DLG2: variants seen among roughly 807,000 people sequenced by gnomAD.
The protein encoded by DLG2 is disks large homolog 2.
In DLG2, 45 loss-of-function variants were observed where a neutral mutation model predicts 132.5. The observed-to-expected ratio is 0.34, with a 90% CI of 0.27 to 0.44. DLG2 has a LOEUF of 0.44. Among genes scored for constraint, DLG2 ranks in the 20% least tolerant of loss-of-function variants. DLG2 has a pLI of 1.00. For missense variants in DLG2, 1,045 were observed against 1,196.9 expected (o/e 0.87, Z 1.87); for synonymous variants, 424 against 419.6 (o/e 1.01, Z -0.13).
intron 3 of DLG2, among the ~76,000 whole-genome samples, chr11:85,455,326 G>A (rs949011590): frequency 2.0e-5 from 3 of 152,040 alleles, no homozygotes; most frequent in African/African-American, 7.2e-5. Context: ...TCTCCACTTA[G>A]ATGTTGTTTG....
chr11:85,048,922 A>G (rs921125371), intron 6 of DLG2, among the ~76,000 whole-genome samples: 1 of 152,088 alleles, frequency 6.6e-6, no homozygotes, highest in African/African-American at 2.4e-5. Flanking sequence ...TATATTGCCT[A>G]AAGTTCTTCC....
At chr11:83,574,732 C>T (rs554039863) in intron 19 of DLG2, among the ~76,000 whole-genome samples, 66 of 152,230 alleles carry the variant, frequency 4.3e-4, no homozygotes, top group Non-Finnish European at 8.4e-4. Context: ...CTGTTGTTTC[C>T]AAGAATGTAC....
intron 17 of DLG2, among the ~76,000 whole-genome samples, chr11:83,831,734 C>T (rs1857392676): frequency 6.6e-6 from 1 of 152,152 alleles, no homozygotes; most frequent in Non-Finnish European, 1.5e-5. Flanking sequence ...ACCATAATAT[C>T]AGCCATAAGT....
At chr11:83,686,335 CT>C (rs1802768475) in intron 18 of DLG2, among the ~76,000 whole-genome samples, 1 of 152,086 alleles carries the variant, frequency 6.6e-6, no homozygotes, top group Admixed American at 6.6e-5. Context: ...TTATCTCTCC[CT>C]CTTATTAGAC....
intron 6 of DLG2, among the ~76,000 whole-genome samples, chr11:84,801,470 C>A (rs1409984624): frequency 6.6e-6 from 1 of 152,118 alleles, no homozygotes; most frequent in African/African-American, 2.4e-5. Flanking sequence ...ACGCAGGAGG[C>A]TGAGGCAGGA....
At chr11:84,135,062 G>A (rs995667691) in intron 9 of DLG2, among the ~76,000 whole-genome samples, 1 of 151,946 alleles carries the variant, frequency 6.6e-6, no homozygotes, top group African/African-American at 2.4e-5. Context: ...TATCTATTAG[G>A]TTAGTTTACT....
At chr11:83,778,360 C>G (rs937767869) in intron 18 of DLG2, among the ~76,000 whole-genome samples, 1 of 152,070 alleles carries the variant, frequency 6.6e-6, no homozygotes, top group African/African-American at 2.4e-5. Context: ...TCCTTGTTGT[C>G]AAAATGTCTC....
chr11:83,835,077 T>A (rs1442002449), intron 16 of DLG2, among the ~76,000 whole-genome samples: 1 of 152,212 alleles, frequency 6.6e-6, no homozygotes, highest in Non-Finnish European at 1.5e-5. Flanking sequence ...AAAGTGCACC[T>A]CACAACTTGA....
intron 3 of DLG2, among the ~76,000 whole-genome samples, chr11:85,359,286 A>G (rs1008425069): frequency 6.6e-6 from 1 of 152,194 alleles, no homozygotes; most frequent in Non-Finnish European, 1.5e-5. Context: ...ATATGTCTTC[A>G]CTCTATAAAA....
intron 18 of DLG2, among the ~76,000 whole-genome samples, chr11:83,719,511 G>A (rs954524163): frequency 3.3e-5 from 5 of 152,204 alleles, no homozygotes; most frequent in African/African-American, 1.2e-4. Context: ...AGGCCTCAGT[G>A]TGCTTCCACT....
At chr11:84,728,977 CTCTTT>C (rs2062828351) in intron 6 of DLG2, among the ~76,000 whole-genome samples, 1 of 152,010 alleles carries the variant, frequency 6.6e-6, no homozygotes. Context: ...TGATTCTTCT[CTCTTT>C]TCTTCTTTAT....
At chr11:85,055,976 C>G (rs138439665) in intron 6 of DLG2, among the ~76,000 whole-genome samples, 20 of 152,240 alleles carry the variant, frequency 1.3e-4, no homozygotes, top group African/African-American at 4.8e-4. Flanking sequence ...TATCCCTGTA[C>G]TCTAGCTGCA....
At chr11:83,682,092 C>T in intron 18 of DLG2, 1 of 981,994 alleles carries the variant, frequency 1.0e-6, no homozygotes, top group Non-Finnish European at 1.2e-6. Flanking sequence ...GTGCCTATTC[C>T]AAACTATGGG....
chr11:84,539,528 C>T (rs2099363013), intron 6 of DLG2, among the ~76,000 whole-genome samples: 1 of 152,190 alleles, frequency 6.6e-6, no homozygotes, highest in South Asian at 2.1e-4. Flanking sequence ...TCTGTGCTTT[C>T]TTCTTTTTCT....
chr11:83,644,956 A>C (rs1334022456), intron 18 of DLG2, among the ~76,000 whole-genome samples: 1 of 151,970 alleles, frequency 6.6e-6, no homozygotes, highest in African/African-American at 2.4e-5. Context: ...TTTTTAAGGG[A>C]TATATTATAT....
At chr11:84,523,696 T>C (rs1405960512) in intron 7 of DLG2, among the ~76,000 whole-genome samples, 2 of 152,170 alleles carry the variant, frequency 1.3e-5, no homozygotes, top group African/African-American at 4.8e-5. Flanking sequence ...CCTCTGTGAG[T>C]GTTAGTACAT....
At chr11:85,082,998 C>T (rs185336184) in intron 6 of DLG2, among the ~76,000 whole-genome samples, 37 of 152,050 alleles carry the variant, frequency 2.4e-4, no homozygotes, top group Non-Finnish European at 4.3e-4. Context: ...CTCAATTTAG[C>T]CACTTACCAA....
At chr11:83,769,141 C>A (rs2094272762) in intron 18 of DLG2, among the ~76,000 whole-genome samples, 1 of 152,146 alleles carries the variant, frequency 6.6e-6, no homozygotes. Context: ...AATCCTTGAA[C>A]CCAGTTCATT....
At chr11:83,604,294 G>A (rs1338478325) in intron 19 of DLG2, among the ~76,000 whole-genome samples, 1 of 152,174 alleles carries the variant, frequency 6.6e-6, no homozygotes, top group East Asian at 1.9e-4. Context: ...TATTTCAAGT[G>A]TGTTTATCAT....
Sources: gnomAD v4.1 joint callset for allele counts (sites outside exome capture counted in the v4.1 genomes callset) on GRCh38, gnomAD v4.1.1 for gene constraint, MANE v1.5 for transcripts, NCBI Gene and HGNC (gene_info 2026-07-23, HGNC 2026-07-21) for gene names.